The following KLHL32 variants were observed in gnomAD, a reference collection of about 807,000 sequenced individuals.
The protein encoded by KLHL32 is kelch-like protein 32.
A neutral mutation model predicts 64.8 loss-of-function variants in KLHL32; 35 were observed. That is an observed-to-expected ratio of 0.54 (90% CI 0.41 to 0.72). KLHL32 has a LOEUF of 0.72. KLHL32 is among the 30% of genes least tolerant of loss of function. KLHL32 has a pLI of 0.00. For missense variants in KLHL32, 589 were observed against 768.5 expected (o/e 0.77, Z 2.76); for synonymous variants, 259 against 281.0 (o/e 0.92, Z 0.78).
chr6:97,136,605 G>GT (rs1394297661), intron 10 of KLHL32, among the ~76,000 whole-genome samples: 1 of 152,184 alleles, frequency 6.6e-6, no homozygotes, highest in African/African-American at 2.4e-5. Context: ...GAGCAGCTGC[G>GT]TAAGTGTGCA....
intron 3 of KLHL32, chr6:97,025,124 A>G: frequency 1.0e-6 from 1 of 985,026 alleles, no homozygotes; most frequent in Non-Finnish European, 1.2e-6. Flanking sequence ...AGGAGAAGAC[A>G]TCTGATCCTG....
chr6:97,078,986 T>C (rs533965189), intron 5 of KLHL32, among the ~76,000 whole-genome samples: 1 of 152,302 alleles, frequency 6.6e-6, no homozygotes, highest in South Asian at 2.1e-4. Context: ...TGTATCATCA[T>C]TGGCACACAA....
chr6:97,106,102 T>C (rs149293490), intron 6 of KLHL32, among the ~76,000 whole-genome samples: 7 of 152,284 alleles, frequency 4.6e-5, no homozygotes, highest in African/African-American at 1.7e-4. Flanking sequence ...GAATCAGGAA[T>C]TTTAGATATC....
In KLHL32 at chr6:96,970,415, G is replaced by A. The variant is rs79946097; in HGVS notation, c.23+3332G>A. On this transcript the variant is annotated intron_variant, in intron 2 of 10. Transcript: ENST00000369261. Reference sequence around the variant, plus strand: ...CCATGCTCCCTCCTGCCACAGGATCGTAGCATTTGCTGTTCTCCTGCCTGG... The same window carrying A: ...CCATGCTCCCTCCTGCCACAGGATCATAGCATTTGCTGTTCTCCTGCCTGG... 1.0e-3 allele frequency among the ~76,000 whole-genome samples: 154 copies of A among 152,252 alleles called. 4 individuals are homozygous for A. The East Asian group carries it at 0.025, about 24-fold the overall frequency.
At chr6:97,008,672 C>T (rs1779975978) in intron 3 of KLHL32, among the ~76,000 whole-genome samples, 1 of 152,202 alleles carries the variant, frequency 6.6e-6, no homozygotes, top group East Asian at 1.9e-4. Context: ...CAGGCCATAC[C>T]TTGGCTGTTC....
chr6:97,041,931 C>A (rs1582819859), intron 4 of KLHL32, among the ~76,000 whole-genome samples: 1 of 152,260 alleles, frequency 6.6e-6, no homozygotes, highest in East Asian at 1.9e-4. Flanking sequence ...GTGACTCAAT[C>A]ATGGCTTTAT....
intron 9 of KLHL32, 107 bp from the exon 10 acceptor site, chr6:97,132,546 T>C (rs1043845852): frequency 8.9e-6 from 7 of 782,260 alleles, no homozygotes; most frequent in South Asian, 1.5e-5. Context: ...CCATGGAGTA[T>C]ACAAATGTGC....
rs145361690 is a variant in KLHL32 at position 97,021,713 on chromosome 6, C to T, written c.205-19779C>T. 2.7e-5 allele frequency among the ~76,000 whole-genome samples: 4 copies of T among 150,886 alleles called. 1 individual carries two copies. Among genetic ancestry groups the T allele is most frequent in the African/African-American group, 5.0e-5 (2 of 40,208 alleles). On this transcript the variant is annotated intron_variant, in intron 3 of 10. Coordinates refer to ENST00000369261, the MANE Select transcript of KLHL32 (RefSeq NM_052904.4). The stretch of plus-strand genomic sequence containing the variant: ...ATGATGACTGACAAATTTATATTTC[C>T]GAATTGGACTTCCCCTAAAATTGTG...
chr6:97,083,134 G>A (rs1014012998), intron 5 of KLHL32, among the ~76,000 whole-genome samples: 2 of 152,140 alleles, frequency 1.3e-5, no homozygotes, highest in African/African-American at 4.8e-5. Flanking sequence ...GCTCATGCCT[G>A]TAATCCTAGC....
Position 97,139,552 on chromosome 6 carries a change from A to C in KLHL32, c.*270A>C, listed in dbSNP as rs1320045705. 6.1e-6 allele frequency: 2 copies of C among 326,908 alleles called. No homozygotes were observed. Among genetic ancestry groups the C allele is most frequent in the Non-Finnish European group, 1.1e-5 (2 of 179,910 alleles). 20.3% of individuals were successfully genotyped at this position (326,908 alleles called of 1,614,324 possible). ...ATTGTGTTCCATGGGTCTTTAGAGC[A>C]TTCTTTGTACACTTTTTCTAATCAG... On this transcript the variant is annotated 3_prime_UTR_variant, in exon 11 of 11. Transcript: ENST00000369261.
chr6:97,043,495 A>T (rs985520713), intron 4 of KLHL32, among the ~76,000 whole-genome samples: 4 of 152,142 alleles, frequency 2.6e-5, no homozygotes, highest in Non-Finnish European at 5.9e-5. Flanking sequence ...TTCATATCTT[A>T]GTTACTGCGA....
At chr6:96,960,704 C>T (rs1202561571) in intron 1 of KLHL32, among the ~76,000 whole-genome samples, 1 of 152,098 alleles carries the variant, frequency 6.6e-6, no homozygotes, top group Non-Finnish European at 1.5e-5. Context: ...CCAAGGTGTT[C>T]AGGATACAGT....
At chr6:96,966,875 T>C in intron 1 of KLHL32, 121 bp from the exon 2 acceptor site, 1 of 531,302 alleles carries the variant, frequency 1.9e-6, no homozygotes, top group Non-Finnish European at 3.4e-6. Flanking sequence ...ACGTTTTATG[T>C]GGACAGTAAA....
chr6:97,001,482 G>GT (rs1190867169), intron 3 of KLHL32, among the ~76,000 whole-genome samples: 10 of 152,134 alleles, frequency 6.6e-5, no homozygotes, highest in African/African-American at 2.4e-4. Flanking sequence ...TTGTTTGTTT[G>GT]TTTGTTTGAG....
the KLHL32 span, among the ~76,000 whole-genome samples, chr6:96,902,695 T>G: frequency 6.6e-6 from 1 of 152,214 alleles, no homozygotes; most frequent in Non-Finnish European, 1.5e-5. Context: ...TGCCTAGGTT[T>G]TCTTCTAGGG....
At chr6:96,998,869 C>T (rs1582646944) in intron 3 of KLHL32, among the ~76,000 whole-genome samples, 2 of 152,120 alleles carry the variant, frequency 1.3e-5, no homozygotes, top group East Asian at 1.9e-4. Context: ...GTAAACTGAT[C>T]GTTATTTTCC....
At chr6:97,122,008 A>G (rs759793519) in intron 7 of KLHL32, among the ~76,000 whole-genome samples, 2 of 152,222 alleles carry the variant, frequency 1.3e-5, no homozygotes, top group Non-Finnish European at 2.9e-5. Context: ...CAGGATTTCA[A>G]CTTTCTACAG....
chr6:97,103,715 T>C (rs1212737618), intron 6 of KLHL32, among the ~76,000 whole-genome samples: 2 of 152,216 alleles, frequency 1.3e-5, no homozygotes, highest in African/African-American at 4.8e-5. Flanking sequence ...CATGTGCACT[T>C]TCATACATGC....
the KLHL32 span, among the ~76,000 whole-genome samples, chr6:96,905,968 G>C: frequency 6.6e-6 from 1 of 152,146 alleles, no homozygotes; most frequent in Admixed American, 6.5e-5. Flanking sequence ...GTTTCTTATT[G>C]TCAATCCATG....
Sources: allele counts gnomAD v4.1 joint callset (sites outside exome capture counted in the v4.1 genomes callset), GRCh38; gene constraint gnomAD v4.1.1; transcripts MANE v1.5; gene names NCBI Gene and HGNC (gene_info 2026-07-23, HGNC 2026-07-21).